SASH1: variants seen among roughly 807,000 people sequenced by gnomAD.
SASH1 encodes the protein SAM and SH3 domain-containing protein 1.
In SASH1, 44 loss-of-function variants were observed where a neutral mutation model predicts 125.2. That is an observed-to-expected ratio of 0.35 (90% CI 0.28 to 0.45). The LOEUF is 0.45. SASH1 is among the 20% of genes least tolerant of loss of function. The probability of loss-of-function intolerance (pLI) is 1.00; values close to 1 mark genes in which losing one functional copy is unlikely to be tolerated. For synonymous variants in SASH1, 639 were observed against 649.1 expected (o/e 0.98, Z 0.24); for missense variants, 1,426 against 1,614.5 (o/e 0.88, Z 2.00).
At chr6:148,508,389 C>T in intron 8 of SASH1, 1 of 781,402 alleles carries the variant, frequency 1.3e-6, no homozygotes, top group Admixed American at 5.7e-5. Context: ...AGTCCTTGTC[C>T]TCCTTGTCCT....
chr6:148,421,324 GACA>G lies in SASH1; in HGVS notation c.286-18859_286-18857del, dbSNP rs1785093861. Among the ~76,000 whole-genome samples the G allele has an allele frequency of 2.0e-5, 3 of 152,116 alleles. 1 individual carries two copies. The highest frequency in any genetic ancestry group is 2.0e-4 in the Admixed American group (3 of 15,262). ...TATTTTTATTTATTATTTTTTCTGA[GACA>G]GAGTCTCGCTCTGTTACCTGGGCTG... On this transcript the variant is annotated intron_variant, in intron 2 of 19. Transcript: ENST00000367467.
intron 2 of SASH1, among the ~76,000 whole-genome samples, chr6:148,434,382 C>G (rs529532743): frequency 6.6e-6 from 1 of 152,156 alleles, no homozygotes; most frequent in East Asian, 1.9e-4. Context: ...GCCTGGAGAT[C>G]GTATTTTTAA....
At chr6:148,273,967 AG>A (rs1358303595) in intron 1 of SASH1, among the ~76,000 whole-genome samples, 1 of 152,248 alleles carries the variant, frequency 6.6e-6, no homozygotes, top group African/African-American at 2.4e-5. Flanking sequence ...CATTTAACCT[AG>A]TGAGGCTTTG....
chr6:148,504,877 A>G (rs6916404), intron 8 of SASH1, among the ~76,000 whole-genome samples: 1,532 of 152,242 alleles, frequency 0.01, 33 homozygotes, highest in African/African-American at 0.036. Flanking sequence ...GTGAGGTTAA[A>G]AAGGGGTGGA....
intron 1 of SASH1, among the ~76,000 whole-genome samples, chr6:148,317,663 G>T (rs1463725076): frequency 6.6e-6 from 1 of 152,178 alleles, no homozygotes; most frequent in Non-Finnish European, 1.5e-5. Flanking sequence ...CTGACCTTGT[G>T]ATCCGCCTGC....
intron 8 of SASH1, among the ~76,000 whole-genome samples, chr6:148,493,642 C>T (rs1779200006): frequency 6.6e-6 from 1 of 152,180 alleles, no homozygotes. Context: ...GGCTTCCCCA[C>T]CCCAATCGCT....
At position 148,544,713 on chromosome 6, in the gene SASH1, G is replaced by T; in HGVS notation, c.3243G>T (p.Leu1081Phe). The T allele has an allele frequency of 6.2e-7, 1 of 1,611,010 alleles. No homozygotes were observed. The highest frequency in any genetic ancestry group is 8.5e-7 in the Non-Finnish European group (1 of 1,178,570). The change falls in exon 18 of 20, where the codon TTG (leucine) becomes TTT (phenylalanine). Residue 1081 changes from leucine to phenylalanine, a missense_variant. Leu to Phe is a conservative substitution (Grantham distance 22). Around this residue, in one of 3 missense-constraint regions of SASH1, gnomAD observed 634 missense variants for 694.4 expected, o/e 0.91. Coordinates refer to ENST00000367467, the MANE Select transcript of SASH1 (RefSeq NM_015278.5). The surrounding 1 kb of genome is among the most constrained non-coding windows in gnomAD (Gnocchi z 6.4). The part of the protein sequence containing the change: ...QEHGVKLGPA[L>F]TRKVSCARGV... ...ACGGTGTGAAGCTGGGCCCGGCTTT[G>T]ACCAGGAAGGTCTCCTGTGCCCGGG...
At chr6:148,477,319 A>G (rs1216248708) in intron 7 of SASH1, among the ~76,000 whole-genome samples, 2 of 152,230 alleles carry the variant, frequency 1.3e-5, no homozygotes, top group African/African-American at 4.8e-5. Flanking sequence ...TAACCGTCTG[A>G]CAAAGGATTA....
chr6:148,383,178 G>A (rs1783220514), intron 1 of SASH1, among the ~76,000 whole-genome samples: 1 of 152,172 alleles, frequency 6.6e-6, no homozygotes, highest in African/African-American at 2.4e-5. Flanking sequence ...TATGGTTGTA[G>A]CAATTTCACC....
chr6:148,426,099 C>T (rs1468254383), intron 2 of SASH1, among the ~76,000 whole-genome samples: 1 of 151,858 alleles, frequency 6.6e-6, no homozygotes, highest in Non-Finnish European at 1.5e-5. Context: ...ATCCCAGCTA[C>T]TGGGGAGGCT....
intron 1 of SASH1, among the ~76,000 whole-genome samples, chr6:148,368,770 G>GCACGCGCACGCGCACACACACACACACA (rs1554245333): frequency 7.4e-6 from 1 of 135,644 alleles, no homozygotes; most frequent in Non-Finnish European, 1.6e-5. Context: ...GCACGCGCGC[G>GCACGCGCACGCGCACACACACACACACA]CACACACACA....
chr6:148,353,526 C>T (rs1781817378), intron 1 of SASH1, among the ~76,000 whole-genome samples: 1 of 151,016 alleles, frequency 6.6e-6, no homozygotes, highest in African/African-American at 2.4e-5. Flanking sequence ...CCTCTGCCTC[C>T]CAGATTCAAA....
intron 1 of SASH1, among the ~76,000 whole-genome samples, chr6:148,388,147 G>A (rs188981008): frequency 5.9e-5 from 9 of 151,844 alleles, no homozygotes; most frequent in Admixed American, 1.3e-4. Flanking sequence ...ACTCCTGACC[G>A]CAGGTGATCC....
chr6:148,267,399 G>GTGTGTGTGT (rs55909678), upstream of SASH1, among the ~76,000 whole-genome samples: 14 of 142,174 alleles, frequency 9.8e-5, no homozygotes, highest in South Asian at 2.3e-4. Context: ...GTGTGTGTGA[G>GTGTGTGTGT]ATGGAGTCTC....
At chr6:148,349,580 T>G (rs1781648721) in intron 1 of SASH1, among the ~76,000 whole-genome samples, 2 of 151,876 alleles carry the variant, frequency 1.3e-5, no homozygotes, top group Non-Finnish European at 2.9e-5. Flanking sequence ...AAAAGTAACT[T>G]TTGTAGGCGA....
intron 7 of SASH1, among the ~76,000 whole-genome samples, chr6:148,477,605 G>A (rs750353049): frequency 1.7e-4 from 26 of 151,460 alleles, no homozygotes; most frequent in Non-Finnish European, 3.4e-4. Flanking sequence ...GGCTCACTGC[G>A]ACCTCCGCCT....
intron 1 of SASH1, among the ~76,000 whole-genome samples, chr6:148,346,745 G>A (rs9285512): frequency 0.77 from 117,202 of 152,208 alleles, 45,490 homozygotes; most frequent in African/African-American, 0.89. Flanking sequence ...GGCTGAAACT[G>A]CATTTTGGGC....
chr6:148,442,770 T>A (rs1320159088), intron 4 of SASH1, among the ~76,000 whole-genome samples: 3 of 152,054 alleles, frequency 2.0e-5, no homozygotes, highest in South Asian at 2.1e-4. Flanking sequence ...TTCTTTTCTT[T>A]TTTATTTATT....
chr6:148,364,183 TCA>T (rs1318627207), intron 1 of SASH1, among the ~76,000 whole-genome samples: 2 of 152,166 alleles, frequency 1.3e-5, no homozygotes, highest in Non-Finnish European at 2.9e-5. Context: ...AAAACCTCCA[TCA>T]CTTCCCTTTG....
Sources: gnomAD v4.1 joint callset for allele counts (sites outside exome capture counted in the v4.1 genomes callset) on GRCh38, gnomAD v4.1.1 for gene constraint, gnomAD v4.1.1 regional missense constraint, Gnocchi (gnomAD v3.1) non-coding constraint, MANE v1.5 for transcripts, NCBI Gene and HGNC (gene_info 2026-07-23, HGNC 2026-07-21) for gene names.